Variants in KIF20B observed in about 807,000 individuals in gnomAD.
KIF20B encodes kinesin family member 20B, also known as kinesin-like protein KIF20B.
KIF20B carries 188 observed loss-of-function variants against 232.5 expected under a neutral mutation model. That is an observed-to-expected ratio of 0.81 (90% CI 0.72 to 0.91). KIF20B has a LOEUF of 0.91. KIF20B is among the 40% of genes least tolerant of loss of function. The probability of loss-of-function intolerance (pLI) is 0.00; values close to 1 mark genes in which losing one functional copy is unlikely to be tolerated. For missense variants in KIF20B, 2,154 were observed against 2,055.9 expected, an observed-to-expected ratio of 1.05 and a Z score of -0.92; for synonymous variants, 712 against 683.0, an observed-to-expected ratio of 1.04 and a Z score of -0.66.
chr10:89,752,914 T>C (rs1564672239), intron 25 of KIF20B, among the ~76,000 whole-genome samples: 1 of 152,162 alleles, frequency 6.6e-6, no homozygotes, highest in Non-Finnish European at 1.5e-5. Flanking sequence ...ATATAGTGAT[T>C]GGGTCCTTAG....
At chr10:89,718,623 T>C in intron 11 of KIF20B, 87 bp from the exon 12 acceptor site, 1 of 999,042 alleles carries the variant, frequency 1.0e-6, no homozygotes, top group Non-Finnish European at 1.5e-6. Flanking sequence ...ATAGGTGGCT[T>C]AATTATTTCT....
intron 17 of KIF20B, 30 bp from the exon 18 acceptor site, chr10:89,729,098 A>G (rs775556567): frequency 1.5e-6 from 2 of 1,334,576 alleles, no homozygotes; most frequent in Non-Finnish European, 2.0e-6. Context: ...AAGTATATTC[A>G]TGAAACATTG....
At chr10:89,748,587 A>G (rs1456612079) in intron 23 of KIF20B, among the ~76,000 whole-genome samples, 3 of 152,162 alleles carry the variant, frequency 2.0e-5, no homozygotes, top group Non-Finnish European at 2.9e-5. Flanking sequence ...GTGAAAATAT[A>G]TCTCTGCACA....
At chr10:89,741,069 A>G (rs1266993029) in intron 21 of KIF20B, among the ~76,000 whole-genome samples, 1 of 152,204 alleles carries the variant, frequency 6.6e-6, no homozygotes, top group Non-Finnish European at 1.5e-5. Flanking sequence ...ACAATTCACC[A>G]TAATGTAGAA....
At chr10:89,720,484 G>A (rs771263572) in intron 13 of KIF20B, among the ~76,000 whole-genome samples, 1 of 152,098 alleles carries the variant, frequency 6.6e-6, no homozygotes, top group African/African-American at 2.4e-5. Context: ...TATCTGTGGG[G>A]TGTTACTTAT....
intron 29 of KIF20B, among the ~76,000 whole-genome samples, chr10:89,763,204 C>A (rs1256854028): frequency 6.6e-6 from 1 of 152,112 alleles, no homozygotes; most frequent in East Asian, 1.9e-4. Context: ...CAACTTGAAC[C>A]CAGGAAGTGG....
intron 18 of KIF20B, among the ~76,000 whole-genome samples, chr10:89,731,959 G>A (rs1843329867): frequency 6.6e-6 from 1 of 152,098 alleles, no homozygotes; most frequent in Admixed American, 6.6e-5. Flanking sequence ...TGATTAAGCG[G>A]CACTCTATCA....
At chr10:89,735,535 C>CTTT (rs397947713) in intron 19 of KIF20B, among the ~76,000 whole-genome samples, 18,448 of 107,990 alleles carry the variant, frequency 0.17, 2,038 homozygotes, top group South Asian at 0.23. Flanking sequence ...TAGTAAGTGT[C>CTTT]TTTTTTTTTT....
At chr10:89,708,216 T>A (rs1407963240) in intron 2 of KIF20B, among the ~76,000 whole-genome samples, 3 of 42,766 alleles carry the variant, frequency 7.0e-5, no homozygotes, top group African/African-American at 1.2e-4. Flanking sequence ...CAATTTGTAT[T>A]TTTTTTTTTT....
intron 19 of KIF20B, 156 bp downstream of exon 19, chr10:89,733,212 C>T: frequency 1.5e-6 from 1 of 680,492 alleles, no homozygotes; most frequent in South Asian, 1.9e-5. Context: ...TATACATTTT[C>T]TAGGGATGGG....
At chr10:89,714,629 G>C (rs1842901249) in intron 7 of KIF20B, among the ~76,000 whole-genome samples, 2 of 152,160 alleles carry the variant, frequency 1.3e-5, no homozygotes, top group South Asian at 4.1e-4. Flanking sequence ...TGTTTCGTTT[G>C]TATTAAATAT....
chr10:89,744,956 G>A (rs539059334), intron 22 of KIF20B, among the ~76,000 whole-genome samples: 2 of 152,344 alleles, frequency 1.3e-5, no homozygotes, highest in East Asian at 1.9e-4. Context: ...AATTAGAACT[G>A]TAGGATATCT....
At chr10:89,760,437 A>C in intron 27 of KIF20B, 89 bp from the exon 28 acceptor site, 1 of 792,624 alleles carries the variant, frequency 1.3e-6, no homozygotes, top group East Asian at 2.6e-5. Flanking sequence ...GTTTCATACA[A>C]ATCTTGATTT....
chr10:89,770,175 G>A lies in KIF20B; in HGVS notation c.5242+1287G>A, dbSNP rs141806332. On this transcript the variant is annotated intron_variant, in intron 31 of 32. Coordinates refer to ENST00000371728, the MANE Select transcript of KIF20B (RefSeq NM_001284259.2). ...ATGAAAAGAAATGTAATTCAGTATCGTTTTGAAATTGAACTACCTTGGGCT... is the reference window on the plus strand; with the variant it reads ...ATGAAAAGAAATGTAATTCAGTATCATTTTGAAATTGAACTACCTTGGGCT... Among the ~76,000 whole-genome samples, 93 of 152,098 alleles carry A rather than the reference G, an allele frequency of 6.1e-4. 1 individual carries two copies. In the East Asian group the frequency reaches 8.1e-3, roughly 13 times the overall value.
chr10:89,759,572 G>T (rs11185870), intron 27 of KIF20B, among the ~76,000 whole-genome samples: 47,073 of 152,000 alleles, frequency 0.31, 8,203 homozygotes, highest in African/African-American at 0.46. Context: ...AAAAGAGGTA[G>T]TATTGTGTTG....
At chr10:89,752,527 T>C (rs1306479926) in intron 24 of KIF20B, 40 bp from the exon 25 acceptor site, 2 of 1,489,576 alleles carry the variant, frequency 1.3e-6, no homozygotes, top group African/African-American at 1.4e-5. Context: ...GTATAACTTT[T>C]GCATATGCTT....
chr10:89,751,347 T>A lies in KIF20B; in HGVS notation c.4098T>A (p.Asp1366Glu). 6.3e-7 allele frequency: 1 copy of A among 1,596,534 alleles called. No homozygotes were observed. Among genetic ancestry groups the A allele is most frequent in the Non-Finnish European group, 8.5e-7 (1 of 1,173,348 alleles). Reference protein sequence around the residue: ...AIQQYERACKDLNVKEKIIED... With the variant: ...AIQQYERACKELNVKEKIIED... ...AAAATGTTCTCCCCCGATTTTTAGA[T>A]CTAAATGTTAAAGAGAAAATAATTG... Residue 1366 changes from aspartate to glutamate, a missense_variant and splice_region_variant, in exon 24 of 33, where the codon GAT becomes GAA. Physicochemically the swap from Asp to Glu is conservative, Grantham distance 45. Transcript: ENST00000371728.
At chr10:89,707,866 C>T (rs919006384) in intron 2 of KIF20B, among the ~76,000 whole-genome samples, 1 of 152,176 alleles carries the variant, frequency 6.6e-6, no homozygotes, top group African/African-American at 2.4e-5. Flanking sequence ...ATTTTTATTA[C>T]AGATGGACGT....
Position 89,729,134 on chromosome 10 carries a change from A to G in KIF20B, c.2278A>G (p.Ile760Val), listed in dbSNP as rs1169325644. 1 of 1,412,008 alleles carries G rather than the reference A, an allele frequency of 7.1e-7. No individual in the cohort carries two copies. Among genetic ancestry groups the G allele is most frequent in the East Asian group, 2.7e-5 (1 of 37,250 alleles). 87.5% of individuals were successfully genotyped at this position (1,412,008 alleles called of 1,614,324 possible). A position where few individuals can be genotyped will look rare whatever the true frequency, so the allele number is the denominator to read the frequency against. The change falls in exon 18 of 33, where the codon ATT (isoleucine) becomes GTT (valine). Residue 760 changes from isoleucine to valine, a missense_variant. By Grantham distance (29) the Ile-to-Val change is conservative. Coordinates refer to ENST00000371728, the MANE Select transcript of KIF20B (RefSeq NM_001284259.2). ...QELETSNKKI[I>V]TQNQRIKELI... ...CTTTTTCTTCTTTCCAAAGAAAATA[A>G]TTACACAGAATCAAAGAATTAAAGA...
Sources: allele counts gnomAD v4.1 joint callset (sites outside exome capture counted in the v4.1 genomes callset), GRCh38; gene constraint gnomAD v4.1.1; transcripts MANE v1.5; gene names NCBI Gene and HGNC (gene_info 2026-07-23, HGNC 2026-07-21).